The following SNX4 variants were observed in gnomAD, a reference collection of about 807,000 sequenced individuals.
The protein encoded by SNX4 is sorting nexin 4.
SNX4 carries 49 observed loss-of-function variants against 70.8 expected under a neutral mutation model. The ratio of observed to expected loss-of-function variants is 0.69; its 90% CI spans 0.55 to 0.88. The LOEUF (loss-of-function observed/expected upper bound fraction) is 0.88, where lower values mean the gene tolerates loss of function less well. Ranked by LOEUF, SNX4 falls within the 40% of genes least tolerant of loss-of-function variation. The pLI is 0.00. For missense variants in SNX4, 528 were observed against 544.8 expected, an observed-to-expected ratio of 0.97 and a Z score of 0.31; for synonymous variants, 206 against 183.8, an observed-to-expected ratio of 1.12 and a Z score of -0.98.
intron 5 of SNX4, 111 bp from the exon 6 acceptor site, chr3:125,489,574 C>A: frequency 2.4e-6 from 2 of 821,954 alleles, no homozygotes; most frequent in South Asian, 1.6e-5. Context: ...TTCTTCATAT[C>A]AATTGTTGTA....
At chr3:125,518,742 C>G (rs952532534) in intron 1 of SNX4, among the ~76,000 whole-genome samples, 1 of 152,042 alleles carries the variant, frequency 6.6e-6, no homozygotes, top group African/African-American at 2.4e-5. Context: ...ATGGCTCACG[C>G]CTGTAATCCC....
Position 125,460,867 on chromosome 3 carries a change from T to TA in SNX4, c.855-8dup, listed in dbSNP as rs748943963. ...ATCAATAGAAGATGCATACCTGTTT[T>TA]AAAAAAAAAAACACACATTGCATAG... On this transcript the variant is annotated splice_polypyrimidine_tract_variant and splice_region_variant and intron_variant, in intron 9 of 13. Transcript: ENST00000251775. 0.026 allele frequency: 26,861 copies of TA among 1,018,744 alleles called. No homozygotes were observed. The highest frequency in any genetic ancestry group is 0.043 in the South Asian group (2,261 of 52,472). The allele number at this position is 1,018,744 out of a possible 1,614,324, so 63.1% of individuals were successfully genotyped here.
At chr3:125,469,708 G>A (rs917467361) in intron 8 of SNX4, among the ~76,000 whole-genome samples, 189 bp from the exon 9 acceptor site, 7 of 152,112 alleles carry the variant, frequency 4.6e-5, no homozygotes, top group African/African-American at 1.7e-4. Flanking sequence ...TGAAGTGAAG[G>A]CTTCAAACGT....
At chr3:125,450,163 A>G (rs1471065416) in intron 13 of SNX4, among the ~76,000 whole-genome samples, 1 of 152,220 alleles carries the variant, frequency 6.6e-6, no homozygotes, top group Non-Finnish European at 1.5e-5. Flanking sequence ...GACAGAATGA[A>G]GGCAAAAAAA....
intron 5 of SNX4, among the ~76,000 whole-genome samples, chr3:125,494,802 A>T (rs1934745226): frequency 6.6e-6 from 1 of 152,072 alleles, no homozygotes. Flanking sequence ...TAACCATTAC[A>T]AACAATTAAT....
At chr3:125,447,871 T>A (rs762086042) in intron 13 of SNX4, 45 bp from the exon 14 acceptor site, 3 of 1,337,450 alleles carry the variant, frequency 2.2e-6, no homozygotes. Context: ...TTGGAAGGAA[T>A]CTGAAAACCC....
At position 125,498,619 on chromosome 3, in the gene SNX4, G is replaced by C. The variant is rs926970577; in HGVS notation, c.264-425C>G. ...ATCCTTATGACAACCCTGTGAGGCAGAGATTTATTATCCTCATTTTACAGA... is the reference window on the plus strand; with the variant it reads ...ATCCTTATGACAACCCTGTGAGGCACAGATTTATTATCCTCATTTTACAGA... On this transcript the variant is annotated intron_variant, in intron 2 of 13. Coordinates refer to ENST00000251775, the MANE Select transcript of SNX4 (RefSeq NM_003794.4). Among the ~76,000 whole-genome samples, 9 of 152,196 alleles carry C rather than the reference G, an allele frequency of 5.9e-5. No individual in the cohort carries two copies. In the South Asian group the frequency reaches 1.7e-3, roughly 28 times the overall value.
At chr3:125,501,159 T>C (rs2107562857) in intron 2 of SNX4, among the ~76,000 whole-genome samples, 1 of 152,308 alleles carries the variant, frequency 6.6e-6, no homozygotes, top group South Asian at 2.1e-4. Flanking sequence ...TTAGGGATAG[T>C]ATAAAACAAT....
Position 125,489,414 on chromosome 3 carries a change from G to A in SNX4, c.647C>T (p.Pro216Leu), listed in dbSNP as rs757965350. Reference protein sequence around the residue: ...ALNATFRVKNPDKRFTDLKHY... With the variant: ...ALNATFRVKNLDKRFTDLKHY... ...TATTAAAACAAAACCTTACTTGTCTGGGTTTTTCACTCTGAATGTTGCATT... is the reference window on the plus strand; with the variant it reads ...TATTAAAACAAAACCTTACTTGTCTAGGTTTTTCACTCTGAATGTTGCATT... The change falls in exon 6 of 14, where the codon CCA (proline) becomes CTA (leucine). Residue 216 changes from proline (P) to leucine (L), a missense_variant. Physicochemically the swap from Pro to Leu is moderately conservative, Grantham distance 98 (BLOSUM62 -3). Transcript: ENST00000251775. 10 of 1,611,922 alleles carry A rather than the reference G, an allele frequency of 6.2e-6. No individual in the cohort carries two copies. The highest frequency in any genetic ancestry group is 6.8e-6 in the Non-Finnish European group (8 of 1,178,486).
chr3:125,490,485 C>T (rs527342899), intron 5 of SNX4, among the ~76,000 whole-genome samples: 10 of 137,482 alleles, frequency 7.3e-5, no homozygotes, highest in East Asian at 4.2e-4. Context: ...GATCGTGCCA[C>T]GGCACTCCAG....
chr3:125,510,087 C>G (rs1272328124), intron 1 of SNX4, among the ~76,000 whole-genome samples: 1 of 152,128 alleles, frequency 6.6e-6, no homozygotes, highest in South Asian at 2.1e-4. Context: ...ACCATATAAT[C>G]CAGCAATTCC....
At position 125,458,237 on chromosome 3, in the gene SNX4, A is replaced by G. The variant is rs1248008787; in HGVS notation, c.945-872T>C. On this transcript the variant is annotated intron_variant, in intron 10 of 13. Coordinates refer to ENST00000251775, the MANE Select transcript of SNX4 (RefSeq NM_003794.4). ...ACCCAGGCTGGAGGGCAATGGTGCA[A>G]TCTCGGCTAAATGCAACCTCTGCCT... is the stretch of plus-strand genomic sequence containing the variant. 2.0e-5 allele frequency among the ~76,000 whole-genome samples: 3 copies of G among 149,178 alleles called. No homozygotes were observed. In the South Asian group the frequency reaches 6.3e-4, roughly 32 times the overall value.
At chr3:125,502,779 G>A (rs867492055) in intron 2 of SNX4, among the ~76,000 whole-genome samples, 3 of 150,208 alleles carry the variant, frequency 2.0e-5, no homozygotes, top group Admixed American at 6.6e-5. Context: ...ACTTGAACTC[G>A]GGAGGCAGGG....
chr3:125,487,871 T>C (rs2107550895), intron 6 of SNX4, among the ~76,000 whole-genome samples: 1 of 152,210 alleles, frequency 6.6e-6, no homozygotes. Flanking sequence ...AATACTATTC[T>C]GTATAAAATG....
intron 9 of SNX4, 58 bp downstream of exon 9, chr3:125,469,396 C>T: frequency 8.8e-7 from 1 of 1,132,854 alleles, no homozygotes; most frequent in Admixed American, 1.8e-5. Context: ...AGAAGAGTCA[C>T]TAATGCTTCA....
At chr3:125,494,191 C>T (rs1025112018) in intron 5 of SNX4, among the ~76,000 whole-genome samples, 2 of 152,050 alleles carry the variant, frequency 1.3e-5, no homozygotes, top group Non-Finnish European at 2.9e-5. Context: ...ACTATTTGGT[C>T]TCATTCAGAA....
intron 8 of SNX4, among the ~76,000 whole-genome samples, chr3:125,475,974 G>C (rs990539553): frequency 2.7e-5 from 4 of 150,870 alleles, no homozygotes; most frequent in African/African-American, 9.8e-5. Flanking sequence ...GTGAGACCCT[G>C]TATTAAAAAA....
chr3:125,471,401 AAAAAATT>A (rs1208253815), intron 8 of SNX4, among the ~76,000 whole-genome samples: 1 of 150,172 alleles, frequency 6.7e-6, no homozygotes, highest in Non-Finnish European at 1.5e-5. Context: ...ACATGTAATT[AAAAAATT>A]AAAAATTATA....
Position 125,460,868 on chromosome 3 carries a change from A to AG in SNX4, c.855-9_855-8insC. 1.2e-6 allele frequency: 1 copy of AG among 869,400 alleles called. No individual in the cohort carries two copies. The highest frequency in any genetic ancestry group is 1.6e-6 in the Non-Finnish European group (1 of 622,670). The allele number at this position is 869,400 out of a possible 1,614,324, so 53.9% of individuals were successfully genotyped here. ...TCAATAGAAGATGCATACCTGTTTT[A>AG]AAAAAAAAAACACACATTGCATAGA... On this transcript the variant is annotated splice_polypyrimidine_tract_variant and intron_variant, in intron 9 of 13. Transcript: ENST00000251775.
Sources: gnomAD v4.1 joint callset for allele counts (sites outside exome capture counted in the v4.1 genomes callset) on GRCh38, gnomAD v4.1.1 for gene constraint, MANE v1.5 for transcripts, NCBI Gene and HGNC (gene_info 2026-07-23, HGNC 2026-07-21) for gene names.